FAM234A: variants seen among roughly 807,000 people sequenced by gnomAD.
The protein encoded by FAM234A is family with sequence similarity 234 member A.
FAM234A carries 42 observed loss-of-function variants against 49.1 expected under a neutral mutation model. That is an observed-to-expected ratio of 0.86 (90% CI 0.67 to 1.11). The LOEUF (loss-of-function observed/expected upper bound fraction) is 1.11, where lower values mean the gene tolerates loss of function less well. Ranked by LOEUF, FAM234A falls within the 50% of genes least tolerant of loss-of-function variation. The pLI is 0.00. For synonymous variants in FAM234A, 369 were observed against 316.2 expected, an observed-to-expected ratio of 1.17 and a Z score of -1.77; for missense variants, 815 against 745.2, an observed-to-expected ratio of 1.09 and a Z score of -1.09.
chr16:268,749 AC>A (rs1567232621), downstream of FAM234A: 1 of 1,545,964 alleles, frequency 6.5e-7, no homozygotes, highest in Non-Finnish European at 8.7e-7. Context: ...CAGCCTCAGC[AC>A]GGCACTCTCT....
rs1361494493 is a variant in FAM234A, at chr16:234,836, G to GGGTGAGAGGCCGCGGCGGCA, written c.-154_-140+5dup. ...AGGGGGCGGGGCCAGCGGCGCGGTC[G>GGGTGAGAGGCCGCGGCGGCA]GGTGAGAGGCCGCGGCGGCAGGTGA... On this transcript the variant is annotated 5_prime_UTR_variant, in exon 1 of 13. Coordinates refer to ENST00000399932, the MANE Select transcript of FAM234A (RefSeq NM_032039.4). 2 of 152,620 alleles carry GGGTGAGAGGCCGCGGCGGCA rather than the reference G, an allele frequency of 1.3e-5. No individual in the cohort carries two copies. Among genetic ancestry groups the GGGTGAGAGGCCGCGGCGGCA allele is most frequent in the Admixed American group, 1.3e-4 (2 of 15,280 alleles). The allele number at this position is 152,620 out of a possible 1,614,324, so 9.5% of individuals were successfully genotyped here. A position where few individuals can be genotyped will look rare whatever the true frequency, so the allele number is the denominator to read the frequency against.
At chr16:260,372 T>C in intron 5 of FAM234A, 1 of 599,512 alleles carries the variant, frequency 1.7e-6, no homozygotes, top group Non-Finnish European at 3.0e-6. Context: ...ACTGTGTCTG[T>C]TACCTCCCGT....
intron 1 of FAM234A, among the ~76,000 whole-genome samples, chr16:244,686 T>G (rs2050742690): frequency 6.8e-6 from 1 of 147,042 alleles, no homozygotes; most frequent in Admixed American, 6.8e-5. Flanking sequence ...TAACCTCTTT[T>G]TTTTTTTTTT....
In FAM234A at chr16:264,881, C is replaced by G; in HGVS notation, c.1518C>G (p.Pro506=). 6.2e-7 allele frequency: 1 copy of G among 1,612,706 alleles called. No individual in the cohort carries two copies. Among genetic ancestry groups the G allele is most frequent in the Non-Finnish European group, 8.5e-7 (1 of 1,179,978 alleles). ...CAGGCCCGGCAGACTCAGAGGCACC[C>G]GGCCTGGTCTCTGTGATCAAGCACA... ...LLTGPADSEA[P]GLVSVIKHKV... The change falls in exon 13 of 13, where the codon CCC becomes CCG. Residue 506 remains proline (P), a synonymous_variant. Coordinates refer to ENST00000399932, the MANE Select transcript of FAM234A (RefSeq NM_032039.4).
At chr16:257,859 T>G (rs2051296329) in intron 3 of FAM234A, among the ~76,000 whole-genome samples, 1 of 151,870 alleles carries the variant, frequency 6.6e-6, no homozygotes, top group African/African-American at 2.4e-5. Flanking sequence ...TTCTTTTTTT[T>G]TTGTTTGTTT....
downstream of FAM234A, among the ~76,000 whole-genome samples, chr16:267,665 G>A (rs1172830548): frequency 7.1e-6 from 1 of 141,330 alleles, no homozygotes; most frequent in East Asian, 2.2e-4. Flanking sequence ...ACATATGCAT[G>A]CCTCACAGTA....
Position 264,808 on chromosome 16 carries a change from C to CA in FAM234A, c.1448-2dup. 1 of 1,608,258 alleles carries CA rather than the reference C, an allele frequency of 6.2e-7. No individual in the cohort carries two copies. Among genetic ancestry groups the CA allele is most frequent in the Non-Finnish European group, 8.5e-7 (1 of 1,178,896 alleles). ...CCTGACAGCTGTGTCCCCCACCCTG[C>CA]AGCCGTCCTGTTTGAGCCAAGCCGC... is the stretch of plus-strand genomic sequence containing the variant. On this transcript the variant is annotated splice_region_variant and splice_polypyrimidine_tract_variant and intron_variant, in intron 12 of 12. Coordinates refer to ENST00000399932, the MANE Select transcript of FAM234A (RefSeq NM_032039.4).
intron 1 of FAM234A, among the ~76,000 whole-genome samples, chr16:241,140 C>T (rs1457714721): frequency 6.6e-6 from 1 of 151,944 alleles, no homozygotes; most frequent in African/African-American, 2.4e-5. Flanking sequence ...AGGCTGGTCT[C>T]GAACTCCTGC....
intron 8 of FAM234A, among the ~76,000 whole-genome samples, 160 bp downstream of exon 8, chr16:262,713 A>C (rs1482994872): frequency 6.6e-6 from 1 of 152,122 alleles, no homozygotes; most frequent in Non-Finnish European, 1.5e-5. Flanking sequence ...GATGTGAGAA[A>C]TGGTCAAATA....
In FAM234A at chr16:264,144, C is replaced by G. The variant is rs149439168; in HGVS notation, c.1317C>G (p.Leu439=). ...DHRSAFFFWG[L]HELGSTSETE... The stretch of plus-strand genomic sequence containing the variant: ...GCTCAGCCTTCTTCTTCTGGGGCCT[C>G]CACGAGCTGGGGAGCACCAGCGAGA... The change falls in exon 11 of 13, where the codon CTC becomes CTG. Residue 439 remains leucine, a synonymous_variant. Transcript: ENST00000399932. The G allele has an allele frequency of 9.2e-4, 1,471 of 1,606,880 alleles. 4 individuals are homozygous for G. Among genetic ancestry groups the G allele is most frequent in the Middle Eastern group, 7.3e-3 (44 of 6,058 alleles).
chr16:240,945 TCTC>T (rs888358749), intron 1 of FAM234A, among the ~76,000 whole-genome samples: 6 of 152,294 alleles, frequency 3.9e-5, no homozygotes, highest in East Asian at 1.9e-4. Flanking sequence ...ACTGTTTTCT[TCTC>T]TTTTTTTTGA....
intron 3 of FAM234A, among the ~76,000 whole-genome samples, chr16:257,847 T>C (rs1335553948): frequency 2.0e-5 from 3 of 151,842 alleles, no homozygotes; most frequent in Non-Finnish European, 4.4e-5. Flanking sequence ...GGTTCAACTT[T>C]ATTCTTTTTT....
rs867419808 is a variant in FAM234A at position 237,975 on chromosome 16, G to A, written c.-140+3118G>A. Among the ~76,000 whole-genome samples, 28 of 151,518 alleles carry A rather than the reference G, an allele frequency of 1.8e-4. No homozygotes were observed. The Middle Eastern group carries it at 0.014, about 74-fold the overall frequency. On this transcript the variant is annotated intron_variant, in intron 1 of 12. Transcript: ENST00000399932. Reference sequence around the variant, plus strand: ...CGCCTCGGCCTCCCAAAGTGCTAGGGTTACAGACTTGAGCCACCGTGCCTG... The same window carrying A: ...CGCCTCGGCCTCCCAAAGTGCTAGGATTACAGACTTGAGCCACCGTGCCTG...
chr16:246,183 C>T (rs1201573385), intron 1 of FAM234A, among the ~76,000 whole-genome samples: 1 of 151,216 alleles, frequency 6.6e-6, no homozygotes, highest in African/African-American at 2.4e-5. Context: ...CCATTGTACT[C>T]CCGCCTAGGT....
intron 1 of FAM234A, among the ~76,000 whole-genome samples, chr16:235,904 G>A (rs1267774346): frequency 6.6e-6 from 1 of 151,472 alleles, no homozygotes; most frequent in Non-Finnish European, 1.5e-5. Flanking sequence ...TGTCATCCCA[G>A]CACTTTGGGA....
intron 1 of FAM234A, among the ~76,000 whole-genome samples, chr16:245,822 C>T (rs2050783723): frequency 6.6e-6 from 1 of 152,154 alleles, no homozygotes; most frequent in Non-Finnish European, 1.5e-5. Flanking sequence ...TAATGATTTC[C>T]ACCTTTGGGG....
Position 264,879 on chromosome 16 carries a change from C to A in FAM234A, c.1516C>A (p.Pro506Thr). 3 of 1,612,712 alleles carry A rather than the reference C, an allele frequency of 1.9e-6. No individual in the cohort carries two copies. The highest frequency in any genetic ancestry group is 1.7e-6 in the Non-Finnish European group (2 of 1,179,970). ...LLTGPADSEAPGLVSVIKHKV... is the reference protein window; with the variant it reads ...LLTGPADSEATGLVSVIKHKV... ...GACAGGCCCGGCAGACTCAGAGGCACCCGGCCTGGTCTCTGTGATCAAGCA... is the reference window on the plus strand; with the variant it reads ...GACAGGCCCGGCAGACTCAGAGGCAACCGGCCTGGTCTCTGTGATCAAGCA... Residue 506 changes from proline (P) to threonine (T), a missense_variant, in exon 13 of 13, where the codon CCC becomes ACC. By Grantham distance (38) the Pro-to-Thr change is conservative. Coordinates refer to ENST00000399932, the MANE Select transcript of FAM234A (RefSeq NM_032039.4).
At chr16:262,598 A>G (rs1341456095) in intron 8 of FAM234A, 45 bp downstream of exon 8, 20 of 1,512,456 alleles carry the variant, frequency 1.3e-5, no homozygotes, top group Middle Eastern at 2.2e-4. Flanking sequence ...CGCCCACCCC[A>G]TGGCTCTGCT....
chr16:252,107 C>T (rs1026621867), intron 2 of FAM234A, among the ~76,000 whole-genome samples: 1 of 151,098 alleles, frequency 6.6e-6, no homozygotes, highest in East Asian at 2.0e-4. Context: ...AAGGGATCCT[C>T]CTGCTTTGGC....
Sources: gnomAD v4.1 joint callset for allele counts (sites outside exome capture counted in the v4.1 genomes callset) on GRCh38, gnomAD v4.1.1 for gene constraint, MANE v1.5 for transcripts, NCBI Gene and HGNC (gene_info 2026-07-23, HGNC 2026-07-21) for gene names.